NLGN1: variants seen among roughly 807,000 people sequenced by gnomAD.
NLGN1 encodes neuroligin 1.
A neutral mutation model predicts 65.5 loss-of-function variants in NLGN1; 12 were observed. That is an observed-to-expected ratio of 0.18 (90% confidence interval 0.12 to 0.30). NLGN1 has a LOEUF of 0.30. NLGN1 is among the 10% of genes least tolerant of loss of function. The pLI is 1.00. For synonymous variants in NLGN1, 350 were observed against 359.5 expected, an observed-to-expected ratio of 0.97 and a Z score of 0.30; for missense variants, 750 against 1,007.1, an observed-to-expected ratio of 0.74 and a Z score of 3.46.
At chr3:174,117,189 AC>A (rs1205066105) in intron 4 of NLGN1, among the ~76,000 whole-genome samples, 2 of 151,500 alleles carry the variant, frequency 1.3e-5, no homozygotes, top group East Asian at 3.9e-4. Flanking sequence ...CCCTTCAATT[AC>A]ATTATGTCTG....
chr3:174,124,323 T>A (rs938812292), intron 4 of NLGN1, among the ~76,000 whole-genome samples: 1 of 152,030 alleles, frequency 6.6e-6, no homozygotes, highest in African/African-American at 2.4e-5. Context: ...TGAACATAAA[T>A]CCACTGAATA....
intron 4 of NLGN1, among the ~76,000 whole-genome samples, chr3:174,120,655 A>T (rs1470048686): frequency 6.6e-6 from 1 of 152,230 alleles, no homozygotes; most frequent in East Asian, 1.9e-4. Context: ...CTATGGCATT[A>T]AGAAACAACT....
At chr3:173,746,595 C>A (rs150678593) in intron 3 of NLGN1, among the ~76,000 whole-genome samples, 1 of 152,032 alleles carries the variant, frequency 6.6e-6, no homozygotes, top group Non-Finnish European at 1.5e-5. Context: ...ACTGTCTACA[C>A]TAGATTAAGT....
chr3:173,896,706 C>T (rs1274871673), intron 4 of NLGN1, among the ~76,000 whole-genome samples: 2 of 152,088 alleles, frequency 1.3e-5, no homozygotes, highest in African/African-American at 4.8e-5. Flanking sequence ...TCATTCATAC[C>T]ATAGATGCTG....
intron 5 of NLGN1, among the ~76,000 whole-genome samples, chr3:174,277,212 T>A (rs1442847523): frequency 6.6e-6 from 1 of 151,824 alleles, no homozygotes; most frequent in Admixed American, 6.6e-5. Flanking sequence ...CTGAAAAAAA[T>A]CTCTTGAAAT....
intron 4 of NLGN1, among the ~76,000 whole-genome samples, chr3:173,878,683 T>C (rs1375066320): frequency 6.6e-6 from 1 of 150,450 alleles, no homozygotes; most frequent in Non-Finnish European, 1.5e-5. Flanking sequence ...TATATAAGTG[T>C]GTGTATATAT....
At chr3:173,661,268 A>G (rs1760889309) in intron 3 of NLGN1, among the ~76,000 whole-genome samples, 1 of 152,022 alleles carries the variant, frequency 6.6e-6, no homozygotes, top group Non-Finnish European at 1.5e-5. Context: ...TAATGCTTCA[A>G]GTTTATTAAT....
chr3:173,514,392 T>G (rs1352243787), intron 2 of NLGN1, among the ~76,000 whole-genome samples: 1 of 152,178 alleles, frequency 6.6e-6, no homozygotes, highest in Non-Finnish European at 1.5e-5. Context: ...CCTCCCATTT[T>G]TCCCTACCCC....
intron 2 of NLGN1, among the ~76,000 whole-genome samples, chr3:173,554,335 C>G (rs770994235): frequency 4.6e-5 from 7 of 152,144 alleles, no homozygotes; most frequent in Admixed American, 1.3e-4. Flanking sequence ...GGTTAAGTTA[C>G]TATCATTTCT....
At chr3:173,945,201 T>C (rs1386432044) in intron 4 of NLGN1, among the ~76,000 whole-genome samples, 56 of 151,976 alleles carry the variant, frequency 3.7e-4, no homozygotes, top group Non-Finnish European at 8.8e-5. Flanking sequence ...TTTTCCGTCA[T>C]GCCTGGTCTC....
At chr3:174,186,252 TCTCC>T (rs1317150886) in intron 4 of NLGN1, among the ~76,000 whole-genome samples, 5 of 152,096 alleles carry the variant, frequency 3.3e-5, no homozygotes, top group African/African-American at 1.2e-4. Context: ...ACTGTCTTAT[TCTCC>T]CTGTCTCCTA....
chr3:173,609,672 G>A (rs570966856), intron 3 of NLGN1, among the ~76,000 whole-genome samples: 2 of 152,028 alleles, frequency 1.3e-5, no homozygotes, highest in South Asian at 2.1e-4. Flanking sequence ...TCTGTGCTGA[G>A]TATTGCTCTA....
At chr3:173,858,918 C>A (rs966828327) in intron 4 of NLGN1, among the ~76,000 whole-genome samples, 1 of 152,062 alleles carries the variant, frequency 6.6e-6, no homozygotes, top group Non-Finnish European at 1.5e-5. Context: ...ATAATGTCAG[C>A]AGTCTTAGTT....
At chr3:173,437,729 A>G (rs1282664734) in intron 2 of NLGN1, among the ~76,000 whole-genome samples, 2 of 151,888 alleles carry the variant, frequency 1.3e-5, no homozygotes, top group Non-Finnish European at 2.9e-5. Context: ...TCCTGCCACC[A>G]TCACTCTTGG....
chr3:173,933,228 C>A (rs1054491211), intron 4 of NLGN1, among the ~76,000 whole-genome samples: 1 of 152,084 alleles, frequency 6.6e-6, no homozygotes, highest in Non-Finnish European at 1.5e-5. Flanking sequence ...CGGTGAAACA[C>A]TAGAAGCTCA....
At chr3:174,175,462 T>C (rs1168948372) in intron 4 of NLGN1, among the ~76,000 whole-genome samples, 1 of 151,972 alleles carries the variant, frequency 6.6e-6, no homozygotes, top group Non-Finnish European at 1.5e-5. Context: ...TCCTGCTCTT[T>C]CTGGGTTTCC....
intron 4 of NLGN1, among the ~76,000 whole-genome samples, chr3:173,937,724 C>T (rs1299263304): frequency 6.6e-6 from 1 of 152,014 alleles, no homozygotes; most frequent in African/African-American, 2.4e-5. Flanking sequence ...AACATCTTTG[C>T]ATTATATCTC....
At chr3:173,980,519 T>C (rs1718543698) in intron 4 of NLGN1, among the ~76,000 whole-genome samples, 1 of 152,102 alleles carries the variant, frequency 6.6e-6, no homozygotes, top group Non-Finnish European at 1.5e-5. Context: ...TTTTTCCTCA[T>C]TATAATAGTT....
At chr3:173,775,686 C>T (rs930687644) in intron 3 of NLGN1, among the ~76,000 whole-genome samples, 3 of 152,048 alleles carry the variant, frequency 2.0e-5, no homozygotes, top group African/African-American at 7.2e-5. Context: ...TTTTTGAAAG[C>T]ATGTGCTTTT....
Sources: gnomAD v4.1 joint callset for allele counts (sites outside exome capture counted in the v4.1 genomes callset) on GRCh38, gnomAD v4.1.1 for gene constraint, MANE v1.5 for transcripts, NCBI Gene and HGNC (gene_info 2026-07-23, HGNC 2026-07-21) for gene names.